DLG5: variants seen among roughly 807,000 people sequenced by gnomAD.
DLG5 encodes the protein disks large homolog 5.
Under a neutral mutation model 189.8 loss-of-function variants are expected in DLG5, and 48 were observed. The ratio of observed to expected loss-of-function variants is 0.25; its 90% CI spans 0.20 to 0.32. The LOEUF (loss-of-function observed/expected upper bound fraction) is 0.32, where lower values mean the gene tolerates loss of function less well. Among genes scored for constraint, DLG5 ranks in the 10% least tolerant of loss-of-function variants. The probability of loss-of-function intolerance (pLI) is 1.00; values close to 1 mark genes in which losing one functional copy is unlikely to be tolerated. For synonymous variants in DLG5, 1,016 were observed against 1,054.1 expected (o/e 0.96, Z 0.70); for missense variants, 2,160 against 2,544.7 (o/e 0.85, Z 3.25).
chr10:77,838,756 C>T (rs1432606796), intron 7 of DLG5, among the ~76,000 whole-genome samples: 1 of 152,200 alleles, frequency 6.6e-6, no homozygotes, highest in Non-Finnish European at 1.5e-5. Flanking sequence ...CACAGCTGAC[C>T]CCTGACAGGC....
intron 24 of DLG5, among the ~76,000 whole-genome samples, chr10:77,808,679 A>G (rs1841597730): frequency 6.6e-6 from 1 of 151,952 alleles, no homozygotes. Flanking sequence ...CCTGAGGGCG[A>G]GCACCCCCTG....
At position 77,816,355 on chromosome 10, in the gene DLG5, C is replaced by A. The variant is rs1363618104; in HGVS notation, c.4025+196G>T. Among the ~76,000 whole-genome samples the A allele has an allele frequency of 1.3e-5, 2 of 152,238 alleles. No individual in the cohort carries two copies. The highest frequency in any genetic ancestry group is 3.9e-4 in the East Asian group (2 of 5,194). ...TACTGTGAGCCCTCTTGGCTCCCTG[C>A]CTTGCCATCCACACACGCCCCACCT... is the stretch of plus-strand genomic sequence containing the variant. On this transcript the variant is annotated intron_variant, in intron 20 of 31. Transcript: ENST00000372391.
chr10:77,815,069 C>T (rs1451898273), intron 20 of DLG5, among the ~76,000 whole-genome samples: 8 of 152,156 alleles, frequency 5.3e-5, no homozygotes, highest in Non-Finnish European at 7.4e-5. Flanking sequence ...CCTGGCTCTC[C>T]GTGCCCTGTG....
chr10:77,851,095 C>T (rs1309743262), intron 5 of DLG5, among the ~76,000 whole-genome samples: 5 of 152,344 alleles, frequency 3.3e-5, no homozygotes, highest in East Asian at 1.9e-4. Flanking sequence ...AGTTACCACG[C>T]ACCCCAGGGC....
At chr10:77,932,760 TGGCCACTGCTGG>T in the DLG5 span, among the ~76,000 whole-genome samples, 1 of 152,088 alleles carries the variant, frequency 6.6e-6, no homozygotes, top group Admixed American at 6.6e-5. Flanking sequence ...CACTGCAGAG[TGGCCACTGCTGG>T]GGCGCTAAGC....
chr10:77,881,627 GA>G (rs957154491), intron 1 of DLG5, among the ~76,000 whole-genome samples: 3 of 152,210 alleles, frequency 2.0e-5, no homozygotes, highest in Admixed American at 6.5e-5. Flanking sequence ...TGGGTCTTTA[GA>G]AGGCAGCAAG....
chr10:77,802,408 CA>C (rs1443323566), intron 27 of DLG5, among the ~76,000 whole-genome samples: 2 of 152,058 alleles, frequency 1.3e-5, no homozygotes, highest in African/African-American at 4.8e-5. Flanking sequence ...GATGTGTCAC[CA>C]AAAAACCTGC....
At chr10:77,920,536 G>A (rs140490916) in intron 1 of DLG5, among the ~76,000 whole-genome samples, 26 of 152,300 alleles carry the variant, frequency 1.7e-4, no homozygotes, top group South Asian at 8.3e-4. Context: ...GTGTTGGAAT[G>A]GGCTGCCAAT....
intron 1 of DLG5, among the ~76,000 whole-genome samples, chr10:77,911,941 G>A (rs950980866): frequency 6.6e-6 from 1 of 150,788 alleles, no homozygotes; most frequent in African/African-American, 2.4e-5. Flanking sequence ...ACTCATGCCT[G>A]TGATCCCAAC....
chr10:77,806,718 A>AGGGCCCCCCCCCC (rs1841491060), intron 26 of DLG5, 40 bp downstream of exon 26: 40 of 1,333,620 alleles, frequency 3.0e-5, no homozygotes, highest in Non-Finnish European at 4.1e-5. Flanking sequence ...GCCCTCGGCG[A>AGGGCCCCCCCCCC]CCCCTGCCCC....
rs1296285160 is a variant in DLG5, at chr10:77,834,012, C to T, written c.1650G>A (p.Glu550=). 1.2e-6 allele frequency: 2 copies of T among 1,609,426 alleles called. No homozygotes were observed. The highest frequency in any genetic ancestry group is 1.7e-6 in the Non-Finnish European group (2 of 1,179,886). ...CCAGCTCGCTCACCGCACGGTCCCG[C>T]TCCCGCCTCAGGTTGTCACACAGTG... ...IRTLCDNLRR[E]RDRAVSELAE... is the part of the protein sequence containing the mutation. The change falls in exon 9 of 32, where the codon GAG becomes GAA. Residue 550 remains glutamate (E), a synonymous_variant. Transcript: ENST00000372391.
Position 77,926,328 on chromosome 10 carries a change from G to C in DLG5, c.193C>G (p.Arg65Gly), listed in dbSNP as rs769157380. Residue 65 changes from arginine to glycine, a missense_variant, in exon 1 of 32, where the codon CGG (arginine) becomes GGG (glycine). Arg to Gly is a moderately radical substitution (Grantham distance 125, BLOSUM62 -2). Coordinates refer to ENST00000372391, the MANE Select transcript of DLG5 (RefSeq NM_004747.4). This position sits in a 1 kb window ranked among gnomAD's most constrained non-coding sequence, Gnocchi z 5.2. Reference sequence around the variant, plus strand: ...GCCCGCAGGTCCTGGAAGTGGTCCCGCTCCTTGGCCAAGAGCAGCTTGAGC... The same window carrying C: ...GCCCGCAGGTCCTGGAAGTGGTCCCCCTCCTTGGCCAAGAGCAGCTTGAGC... ...LLLKLLLAKE[R>G]DHFQDLRAAL... The C allele has an allele frequency of 6.2e-7, 1 of 1,603,828 alleles. No individual in the cohort carries two copies. Among genetic ancestry groups the C allele is most frequent in the South Asian group, 1.1e-5 (1 of 88,576 alleles).
At chr10:77,856,033 A>G (rs2154576738) in intron 3 of DLG5, among the ~76,000 whole-genome samples, 1 of 152,310 alleles carries the variant, frequency 6.6e-6, no homozygotes, top group East Asian at 1.9e-4. Context: ...CACCAGGTAC[A>G]ATGTGCTCTG....
chr10:77,821,521 A>G lies in DLG5; in HGVS notation c.2963T>C (p.Ile988Thr), dbSNP rs1412730066. 6.2e-7 allele frequency: 1 copy of G among 1,612,342 alleles called. No individual in the cohort carries two copies. The highest frequency in any genetic ancestry group is 8.5e-7 in the Non-Finnish European group (1 of 1,179,836). ...TFKRPQTPPKIDYLLPGPGPA... is the reference protein window; with the variant it reads ...TFKRPQTPPKTDYLLPGPGPA... ...CCCAGGACCTGGAAGCAGGTAGTCTATTTTGGGGGGTGTCTGGGGGCGTTT... is the reference window on the plus strand; with the variant it reads ...CCCAGGACCTGGAAGCAGGTAGTCTGTTTTGGGGGGTGTCTGGGGGCGTTT... Residue 988 changes from isoleucine to threonine, a missense_variant, in exon 15 of 32, where the codon ATA (isoleucine) becomes ACA (threonine). Transcript: ENST00000372391.
the DLG5 span, among the ~76,000 whole-genome samples, chr10:77,939,858 G>A: frequency 6.6e-6 from 1 of 152,226 alleles, no homozygotes; most frequent in African/African-American, 2.4e-5. Flanking sequence ...GGCCACCGCA[G>A]AGATAGCTGC....
At position 77,884,354 on chromosome 10, in the gene DLG5, T is replaced by C. The variant is rs373957650; in HGVS notation, c.305-15157A>G. On this transcript the variant is annotated intron_variant, in intron 1 of 31. Transcript: ENST00000372391. Reference sequence around the variant, plus strand: ...AAGACCAGAAAAGGCACAAGGTGCATCTTGAAAGAGCAGCCATGCATCACA... The same window carrying C: ...AAGACCAGAAAAGGCACAAGGTGCACCTTGAAAGAGCAGCCATGCATCACA... Among the ~76,000 whole-genome samples, 53 of 152,302 alleles carry C rather than the reference T, an allele frequency of 3.5e-4. No individual in the cohort carries two copies. The South Asian group carries it at 9.1e-3, about 26-fold the overall frequency.
In DLG5 at chr10:77,816,992, T is replaced by C. The variant is rs1842090112; in HGVS notation, c.3874+15A>G. 1 of 1,612,168 alleles carries C rather than the reference T, an allele frequency of 6.2e-7. No individual in the cohort carries two copies. Among genetic ancestry groups the C allele is most frequent in the South Asian group, 1.1e-5 (1 of 91,016 alleles). ...AGGAAAAGCAGGAGAGATGGGAATG[T>C]CGAGAAGTCCTTACCTCTCTCGGAG... On this transcript the variant is annotated intron_variant, in intron 19 of 31. Coordinates refer to ENST00000372391, the MANE Select transcript of DLG5 (RefSeq NM_004747.4).
At chr10:77,870,391 AG>A (rs1844850158) in intron 1 of DLG5, among the ~76,000 whole-genome samples, 1 of 152,220 alleles carries the variant, frequency 6.6e-6, no homozygotes, top group Non-Finnish European at 1.5e-5. Context: ...ACCACATTTA[AG>A]GAGCTCCCAG....
intron 7 of DLG5, among the ~76,000 whole-genome samples, chr10:77,838,496 C>T (rs1004922148): frequency 6.6e-6 from 1 of 152,162 alleles, no homozygotes; most frequent in Non-Finnish European, 1.5e-5. Flanking sequence ...AAGGGCACAG[C>T]CAACCTGGCA....
Sources: allele counts gnomAD v4.1 joint callset (sites outside exome capture counted in the v4.1 genomes callset), GRCh38; gene constraint gnomAD v4.1.1; non-coding constraint Gnocchi (gnomAD v3.1); transcripts MANE v1.5; gene names NCBI Gene and HGNC (gene_info 2026-07-23, HGNC 2026-07-21).